SEC31B: variants seen among roughly 807,000 people sequenced by gnomAD.
SEC31B encodes the protein SEC31 homolog B, COPII component.
Under a neutral mutation model 135.0 loss-of-function variants are expected in SEC31B, and 113 were observed. That is an observed-to-expected ratio of 0.84 (90% CI 0.72 to 0.98). The LOEUF is 0.98. Among genes scored for constraint, SEC31B ranks in the 50% least tolerant of loss-of-function variants. The pLI is 0.00. For missense variants in SEC31B, 1,296 were observed against 1,421.1 expected, an observed-to-expected ratio of 0.91 and a Z score of 1.42; for synonymous variants, 508 against 549.4, an observed-to-expected ratio of 0.92 and a Z score of 1.05.
chr10:100,500,302 G>T, intron 11 of SEC31B: 1 of 392,550 alleles, frequency 2.5e-6, no homozygotes, highest in South Asian at 1.8e-5. Flanking sequence ...GTAGTCTTGT[G>T]AGTCTAAATG....
chr10:100,506,299 G>A (rs1358172840), intron 8 of SEC31B, 22 bp downstream of exon 8: 3 of 1,613,934 alleles, frequency 1.9e-6, no homozygotes, highest in South Asian at 1.1e-5. Flanking sequence ...ATCCCAGCAT[G>A]CCCACAGAAG....
At chr10:100,492,718 T>G (rs1409228838) in intron 19 of SEC31B, among the ~76,000 whole-genome samples, 1 of 152,172 alleles carries the variant, frequency 6.6e-6, no homozygotes, top group South Asian at 2.1e-4. Context: ...AGTCACAGGA[T>G]ATAACCAGAT....
In SEC31B at chr10:100,490,703, C is replaced by T. The variant is rs1851285774; in HGVS notation, c.2650+3G>A. 6.4e-7 allele frequency: 1 copy of T among 1,574,596 alleles called. No homozygotes were observed. The highest frequency in any genetic ancestry group is 1.4e-5 in the African/African-American group (1 of 73,888). On this transcript the variant is annotated splice_donor_region_variant and intron_variant, in intron 20 of 25. Transcript: ENST00000370345. ...CCAGATAGATCTTCAGTGACTCACT[C>T]ACCAGGCCTTACCCCAGGGCTCAAA...
At chr10:100,508,656 C>T in intron 5 of SEC31B, 1 of 407,654 alleles carries the variant, frequency 2.5e-6, no homozygotes, top group South Asian at 2.1e-5. Flanking sequence ...TCCTACTCTT[C>T]CTCCCTCTTT....
rs17113171 is a variant in SEC31B, at chr10:100,510,602, C to G, written c.204-1091G>C. The stretch of plus-strand genomic sequence containing the variant: ...ACAGCCCTTTGGAGAAGCCAGATAT[C>G]ACGCCAAATGAGGTTACAAGATCTC... On this transcript the variant is annotated intron_variant, in intron 3 of 25. Transcript: ENST00000370345. Among the ~76,000 whole-genome samples, 1,059 of 152,318 alleles carry G rather than the reference C, an allele frequency of 7.0e-3. 13 individuals carry two copies. Among genetic ancestry groups the G allele is most frequent in the African/African-American group, 0.024 (985 of 41,578 alleles).
Position 100,497,222 on chromosome 10 carries a change from T to C in SEC31B, c.2049A>G (p.Arg683=). 3.7e-6 allele frequency: 6 copies of C among 1,614,092 alleles called. No individual in the cohort carries two copies. The highest frequency in any genetic ancestry group is 5.1e-6 in the Non-Finnish European group (6 of 1,180,014). The change falls in exon 17 of 26, where the codon AGA becomes AGG. Residue 683 remains arginine, a synonymous_variant. Coordinates refer to ENST00000370345, the MANE Select transcript of SEC31B (RefSeq NM_015490.4). ...EGSRALTSEA[R]LCYVCSGSVE... ...CACTCCCTGAGCACACATAACAGAGTCTGGCTTCGGAGGTTAGTGCCCTGC... is the reference window on the plus strand; with the variant it reads ...CACTCCCTGAGCACACATAACAGAGCCTGGCTTCGGAGGTTAGTGCCCTGC...
In SEC31B at chr10:100,499,562, T is replaced by C. The variant is rs1441404349; in HGVS notation, c.1447A>G (p.Lys483Glu). The change falls in exon 12 of 26, where the codon AAG becomes GAG. Residue 483 changes from lysine (K) to glutamate (E), a missense_variant. Physicochemically the swap from Lys to Glu is moderately conservative, Grantham distance 56 (BLOSUM62 1). Transcript: ENST00000370345. ...LEQDSRMKFL[K>E]LLGYSKDELQ... ...TCATCTTTACTGTATCCTAAAAGCTTTAGGAATTTCATTCTGGAGTCTTGC... is the reference window on the plus strand; with the variant it reads ...TCATCTTTACTGTATCCTAAAAGCTCTAGGAATTTCATTCTGGAGTCTTGC... 1.2e-6 allele frequency: 2 copies of C among 1,612,438 alleles called. No homozygotes were observed. Among genetic ancestry groups the C allele is most frequent in the African/African-American group, 2.7e-5 (2 of 74,832 alleles).
intron 10 of SEC31B, among the ~76,000 whole-genome samples, 162 bp downstream of exon 10, chr10:100,505,199 C>G (rs1851602426): frequency 6.6e-6 from 1 of 152,118 alleles, no homozygotes; most frequent in Admixed American, 6.5e-5. Context: ...TAGTAACTCT[C>G]TCCTTGAGAG....
chr10:100,512,822 C>A (rs910058555), intron 3 of SEC31B, among the ~76,000 whole-genome samples: 9 of 152,222 alleles, frequency 5.9e-5, no homozygotes, highest in African/African-American at 2.2e-4. Flanking sequence ...ATTCAGATCT[C>A]AGCTAGTTTC....
intron 3 of SEC31B, 119 bp downstream of exon 3, chr10:100,515,977 A>T (rs149554854): frequency 1.3e-5 from 16 of 1,278,622 alleles, no homozygotes; most frequent in Middle Eastern, 4.4e-4. Context: ...CTTTTCTCCA[A>T]CTTGGCAAAG....
At position 100,497,697 on chromosome 10, in the gene SEC31B, A is replaced by C. The variant is rs1475242183; in HGVS notation, c.1960T>G (p.Ser654Ala). ...REALALLLTY[S>A]GTEKFPELCD... ...AGCTCGGGAAATTTCTCTGTGCCTG[A>C]GTATGTCAGTAGCAAAGCCAGTGCC... The change falls in exon 16 of 26, where the codon TCA becomes GCA. Residue 654 changes from serine (S) to alanine (A), a missense_variant. Transcript: ENST00000370345. The C allele has an allele frequency of 1.2e-6, 2 of 1,614,068 alleles. No individual in the cohort carries two copies. The highest frequency in any genetic ancestry group is 3.3e-5 in the Admixed American group (2 of 60,008).
intron 17 of SEC31B, among the ~76,000 whole-genome samples, chr10:100,496,819 G>A (rs568777329): frequency 6.6e-5 from 10 of 152,242 alleles, no homozygotes; most frequent in African/African-American, 2.4e-4. Flanking sequence ...AGAACACCTG[G>A]AAGTTTAGAT....
At chr10:100,515,273 C>T (rs1231594507) in intron 3 of SEC31B, among the ~76,000 whole-genome samples, 1 of 152,170 alleles carries the variant, frequency 6.6e-6, no homozygotes, top group Admixed American at 6.5e-5. Flanking sequence ...GCCTGGGCGA[C>T]AGAGTAAGAC....
At position 100,506,147 on chromosome 10, in the gene SEC31B, G is replaced by A. The variant is rs1851626432; in HGVS notation, c.937C>T (p.Pro313Ser). The change falls in exon 9 of 26, where the codon CCT becomes TCT. Residue 313 changes from proline to serine, a missense_variant. Coordinates refer to ENST00000370345, the MANE Select transcript of SEC31B (RefSeq NM_015490.4). Reference protein sequence around the residue: ...SSWCFDVQWCPRDPSVFSAAS... With the variant: ...SSWCFDVQWCSRDPSVFSAAS... ...GCAGAGAACACTGAAGGGTCCCGAGGGCACCACTGCACATCAAAGCACCAG... is the reference window on the plus strand; with the variant it reads ...GCAGAGAACACTGAAGGGTCCCGAGAGCACCACTGCACATCAAAGCACCAG... 6.2e-7 allele frequency: 1 copy of A among 1,614,174 alleles called. No individual in the cohort carries two copies. Among genetic ancestry groups the A allele is most frequent in the Non-Finnish European group, 8.5e-7 (1 of 1,180,034 alleles).
At chr10:100,497,466 A>T (rs1851433914) in intron 16 of SEC31B, 186 bp from the exon 17 acceptor site, 3 of 1,472,472 alleles carry the variant, frequency 2.0e-6, no homozygotes, top group Middle Eastern at 5.0e-4. Context: ...AGACAAGGTA[A>T]AACAGGACAA....
intron 24 of SEC31B, among the ~76,000 whole-genome samples, chr10:100,488,609 C>G (rs937068759): frequency 1.1e-4 from 17 of 152,178 alleles, no homozygotes; most frequent in African/African-American, 3.9e-4. Context: ...CCTGGCTCCA[C>G]CCTCCTTCCA....
In SEC31B at chr10:100,490,294, CCCT is replaced by C. The variant is rs746431221; in HGVS notation, c.2676_2678del (p.Gly893del). ...CCGGGTTAGGAACTTGCACCCTTTG[CCCT>C]CCTAATAGCTGTGGCTGAGATGAAG... On this transcript the variant is annotated inframe_deletion, in exon 21 of 26. Transcript: ENST00000370345. 1.2e-6 allele frequency: 2 copies of C among 1,613,656 alleles called. No homozygotes were observed. Among genetic ancestry groups the C allele is most frequent in the Non-Finnish European group, 1.7e-6 (2 of 1,179,806 alleles).
At chr10:100,506,498 A>G in intron 7 of SEC31B, 78 bp from the exon 8 acceptor site, 3 of 1,225,018 alleles carry the variant, frequency 2.4e-6, no homozygotes, top group Non-Finnish European at 1.2e-6. Context: ...TCTTTTATAC[A>G]TTTTATAGGG....
intron 13 of SEC31B, 54 bp downstream of exon 13, chr10:100,499,106 A>T: frequency 6.9e-7 from 1 of 1,457,504 alleles, no homozygotes; most frequent in Non-Finnish European, 9.6e-7. Flanking sequence ...AAGATGCCCA[A>T]AAGGCAGGTT....
Sources: allele counts gnomAD v4.1 joint callset (sites outside exome capture counted in the v4.1 genomes callset), GRCh38; gene constraint gnomAD v4.1.1; transcripts MANE v1.5; gene names NCBI Gene and HGNC (gene_info 2026-07-23, HGNC 2026-07-21).